MED13L: variants seen among roughly 807,000 people sequenced by gnomAD.
MED13L encodes mediator of RNA polymerase II transcription subunit 13-like.
Under a neutral mutation model 220.9 loss-of-function variants are expected in MED13L, and 7 were observed. The ratio of observed to expected loss-of-function variants is 0.03; its 90% CI spans 0.02 to 0.06. The LOEUF is 0.06. Among genes scored for constraint, MED13L ranks in the 10% least tolerant of loss-of-function variants. MED13L has a pLI of 1.00. For synonymous variants in MED13L, 1,011 were observed against 1,015.2 expected (o/e 1.00, Z 0.08); for missense variants, 1,965 against 2,760.5 (o/e 0.71, Z 6.46).
chr12:116,236,923 T>C, intron 2 of MED13L: 1 of 965,900 alleles, frequency 1.0e-6, no homozygotes, highest in Non-Finnish European at 1.2e-6. Flanking sequence ...AAAACAGAAA[T>C]AAAAGCAAAA....
At chr12:116,129,436 C>T (rs1358999380) in intron 2 of MED13L, among the ~76,000 whole-genome samples, 1 of 152,154 alleles carries the variant, frequency 6.6e-6, no homozygotes, top group Non-Finnish European at 1.5e-5. Flanking sequence ...ATTAGTCATA[C>T]ACTGTCCTGT....
chr12:116,277,101 C>G lies in MED13L; in HGVS notation c.31G>C (p.Gly11Arg). The G allele has an allele frequency of 6.3e-7, 1 of 1,591,194 alleles. No homozygotes were observed. Among genetic ancestry groups the G allele is most frequent in the Non-Finnish European group, 8.5e-7 (1 of 1,170,540 alleles). MTAAANWVAN[G>R]ASLEDCHSNL... is the part of the protein sequence containing the mutation. ...GAGTGACAATCCTCCAGGCTCGCCCCGTTCGCCACCCAGTTCGCTGCCGCA... is the reference window on the plus strand; with the variant it reads ...GAGTGACAATCCTCCAGGCTCGCCCGGTTCGCCACCCAGTTCGCTGCCGCA... Residue 11 changes from glycine (G) to arginine (R), a missense_variant, in exon 1 of 31, where the codon GGG (glycine) becomes CGG (arginine). Physicochemically the swap from Gly to Arg is moderately radical, Grantham distance 125. Around this residue, in one of 10 missense-constraint regions of MED13L, gnomAD observed 818 missense variants for 1,041.2 expected, o/e 0.79. Transcript: ENST00000281928.
chr12:116,204,547 C>A (rs1196898740), intron 2 of MED13L, among the ~76,000 whole-genome samples: 1 of 152,184 alleles, frequency 6.6e-6, no homozygotes, highest in African/African-American at 2.4e-5. Context: ...AACTGCCTTT[C>A]TTCTAGTATG....
intron 14 of MED13L, among the ~76,000 whole-genome samples, chr12:116,002,798 G>A (rs559240256): frequency 6.6e-6 from 1 of 152,252 alleles, no homozygotes; most frequent in South Asian, 2.1e-4. Context: ...ACAAAGGAAA[G>A]GAATTCAAAT....
intron 3 of MED13L, among the ~76,000 whole-genome samples, chr12:116,108,779 T>G (rs1313710860): frequency 1.3e-5 from 2 of 152,186 alleles, no homozygotes; most frequent in African/African-American, 4.8e-5. Flanking sequence ...TGGAACTACT[T>G]TAATGAAATT....
At chr12:116,104,903 A>C (rs1008713661) in intron 3 of MED13L, among the ~76,000 whole-genome samples, 2 of 152,230 alleles carry the variant, frequency 1.3e-5, no homozygotes, top group African/African-American at 4.8e-5. Flanking sequence ...TAAGTCCCAT[A>C]TGTGGTACAA....
chr12:116,004,820 C>T (rs1030148700), intron 13 of MED13L, among the ~76,000 whole-genome samples: 3 of 152,096 alleles, frequency 2.0e-5, no homozygotes, highest in Non-Finnish European at 2.9e-5. Flanking sequence ...CTGTTAGATA[C>T]ATTTTATTTT....
chr12:116,095,155 C>A (rs1020719855), intron 4 of MED13L, among the ~76,000 whole-genome samples: 1 of 151,952 alleles, frequency 6.6e-6, no homozygotes. Flanking sequence ...AAAGCAAGAC[C>A]CTGTCTCAAA....
intron 2 of MED13L, among the ~76,000 whole-genome samples, chr12:116,162,073 A>T (rs1001684028): frequency 6.6e-6 from 1 of 152,180 alleles, no homozygotes; most frequent in Non-Finnish European, 1.5e-5. Flanking sequence ...ACTCATGCCA[A>T]ATGTCATATA....
chr12:116,183,111 C>A (rs1206454564), intron 2 of MED13L, among the ~76,000 whole-genome samples: 2 of 152,088 alleles, frequency 1.3e-5, no homozygotes, highest in African/African-American at 4.8e-5. Context: ...ACCAAAGCCA[C>A]ATTTTAAAAG....
intron 2 of MED13L, among the ~76,000 whole-genome samples, chr12:116,138,539 T>C (rs1248419342): frequency 6.6e-6 from 1 of 152,198 alleles, no homozygotes; most frequent in Non-Finnish European, 1.5e-5. Flanking sequence ...TCCATCTAGC[T>C]CTAGAGTTTT....
chr12:116,238,366 G>C (rs1870298666), intron 1 of MED13L, among the ~76,000 whole-genome samples: 1 of 152,174 alleles, frequency 6.6e-6, no homozygotes, highest in Non-Finnish European at 1.5e-5. Context: ...TAAAACATGA[G>C]AACTTGCAAC....
chr12:116,240,454 G>A (rs574787234), intron 1 of MED13L, among the ~76,000 whole-genome samples: 12 of 151,702 alleles, frequency 7.9e-5, no homozygotes, highest in African/African-American at 2.9e-4. Context: ...CAGAAACCCT[G>A]ACATCAATCT....
intron 1 of MED13L, among the ~76,000 whole-genome samples, chr12:116,275,888 T>C (rs1278264948): frequency 1.3e-5 from 2 of 152,214 alleles, no homozygotes; most frequent in Admixed American, 1.3e-4. Flanking sequence ...TTGCTCAATA[T>C]TTAAACAAAT....
chr12:115,982,653 G>A lies in MED13L; in HGVS notation c.4956-50C>T, dbSNP rs367828106. The A allele has an allele frequency of 1.1e-4, 163 of 1,480,878 alleles. 1 individual carries two copies. In the African/African-American group the frequency reaches 1.3e-3, roughly 12 times the overall value. 91.7% of individuals were successfully genotyped at this position (1,480,878 alleles called of 1,614,324 possible). A position where few individuals can be genotyped will look rare whatever the true frequency, so the allele number is the denominator to read the frequency against. On this transcript the variant is annotated intron_variant, in intron 21 of 30. Transcript: ENST00000281928. ...TGCACAAAATAAATATAAATTACAC[G>A]AACATGAAAAACAAAAGGGCTCAAT...
chr12:116,207,449 G>A lies in MED13L; in HGVS notation c.310+30019C>T, dbSNP rs576176107. Among the ~76,000 whole-genome samples, 3 of 152,276 alleles carry A rather than the reference G, an allele frequency of 2.0e-5. No homozygotes were observed. In the South Asian group the frequency reaches 6.2e-4, roughly 32 times the overall value. On this transcript the variant is annotated intron_variant, in intron 2 of 30. Coordinates refer to ENST00000281928, the MANE Select transcript of MED13L (RefSeq NM_015335.5). ...GGCTATACTGTCTGTGTTTGTGTAA[G>A]CAAACTCTGTTGTTCACACAATGAT...
rs147015851 is a variant in MED13L, at chr12:116,264,271, C to A, written c.72+12789G>T. 1.2e-4 allele frequency among the ~76,000 whole-genome samples: 19 copies of A among 152,298 alleles called. No homozygotes were observed. In the East Asian group the frequency reaches 3.7e-3, roughly 29 times the overall value. The stretch of plus-strand genomic sequence containing the variant: ...AAAAAATTATAAACAATGGCAACAT[C>A]ATTTGATCCATTTCAAGGGGGCCTA... On this transcript the variant is annotated intron_variant, in intron 1 of 30. Transcript: ENST00000281928.
chr12:116,156,965 G>GT (rs953009930), intron 2 of MED13L, among the ~76,000 whole-genome samples: 11 of 152,104 alleles, frequency 7.2e-5, no homozygotes, highest in African/African-American at 2.2e-4. Flanking sequence ...TAAAACTACC[G>GT]TAATAGTCCT....
chr12:116,238,210 A>C (rs1024753798), intron 1 of MED13L, among the ~76,000 whole-genome samples: 7 of 152,212 alleles, frequency 4.6e-5, no homozygotes, highest in Non-Finnish European at 1.0e-4. Flanking sequence ...GAATGCCAAA[A>C]GTCTATTTAG....
Sources: allele counts gnomAD v4.1 joint callset (sites outside exome capture counted in the v4.1 genomes callset), GRCh38; gene constraint gnomAD v4.1.1; regional missense constraint gnomAD v4.1.1; transcripts MANE v1.5; gene names NCBI Gene and HGNC (gene_info 2026-07-23, HGNC 2026-07-21).